The following FGF2 variants were observed in gnomAD, a reference collection of about 807,000 sequenced individuals.
FGF2 encodes the protein fibroblast growth factor 2.
Under a neutral mutation model 15.9 loss-of-function variants are expected in FGF2, and 13 were observed. That is an observed-to-expected ratio of 0.82 (90% CI 0.53 to 1.30). FGF2 has a LOEUF of 1.30. FGF2 is among the 50% of genes most tolerant of loss of function. The pLI, the probability that FGF2 is intolerant of heterozygous loss-of-function variation, is 0.00. For synonymous variants in FGF2, 90 were observed against 78.4 expected (o/e 1.15, Z -0.78); for missense variants, 163 against 196.9 (o/e 0.83, Z 1.03).
chr4:122,874,745 T>C (rs1257383720), intron 1 of FGF2, among the ~76,000 whole-genome samples: 1 of 152,084 alleles, frequency 6.6e-6, no homozygotes, highest in Non-Finnish European at 1.5e-5. Flanking sequence ...AAACATAAAT[T>C]ACTATGACAT....
intron 1 of FGF2, among the ~76,000 whole-genome samples, chr4:122,860,754 C>A (rs9307514): frequency 6.6e-6 from 1 of 152,106 alleles, no homozygotes; most frequent in Non-Finnish European, 1.5e-5. Flanking sequence ...CTGCACCCAG[C>A]CTTACTTCTT....
Position 122,827,291 on chromosome 4 carries a change from C to A in FGF2, c.117C>A (p.Phe39Leu), listed in dbSNP as rs1363329019. 6.2e-7 allele frequency: 1 copy of A among 1,613,008 alleles called. No individual in the cohort carries two copies. The highest frequency in any genetic ancestry group is 1.3e-5 in the African/African-American group (1 of 75,056). The change falls in exon 1 of 3, where the codon TTC (phenylalanine) becomes TTA (leucine). Residue 39 changes from phenylalanine to leucine, a missense_variant. Transcript: ENST00000644866. The surrounding 1 kb of genome is among the most constrained non-coding windows in gnomAD (Gnocchi z 4.2). ...PKRLYCKNGG[F>L]FLRIHPDGRV... ...GGCTGTACTGCAAAAACGGGGGCTT[C>A]TTCCTGCGCATCCACCCCGACGGCC...
intron 1 of FGF2, among the ~76,000 whole-genome samples, chr4:122,838,583 A>C (rs1035188289): frequency 5.9e-5 from 9 of 152,208 alleles, no homozygotes; most frequent in African/African-American, 1.9e-4. Flanking sequence ...ATACAAGTTC[A>C]TGGCCAGAAT....
chr4:122,897,631 T>C lies in FGF2; in HGVS notation c.*5235T>C. Reference sequence around the variant, plus strand: ...AATATAAAAGATACACACCAATATCTTCTTCAGGCTCTGACAGGCCTCCTG... The same window carrying C: ...AATATAAAAGATACACACCAATATCCTCTTCAGGCTCTGACAGGCCTCCTG... On this transcript the variant is annotated 3_prime_UTR_variant, in exon 3 of 3. Coordinates refer to ENST00000644866, the MANE Select transcript of FGF2 (RefSeq NM_001361665.2). 1 of 1,603,660 alleles carries C rather than the reference T, an allele frequency of 6.2e-7. No homozygotes were observed. Among genetic ancestry groups the C allele is most frequent in the South Asian group, 1.1e-5 (1 of 90,870 alleles).
Position 122,897,843 on chromosome 4 carries a change from CT to C in FGF2, c.*5454del. 5 of 596,526 alleles carry C rather than the reference CT, an allele frequency of 8.4e-6. No individual in the cohort carries two copies. The highest frequency in any genetic ancestry group is 2.2e-5 in the South Asian group (1 of 45,020). 37.0% of individuals were successfully genotyped at this position (596,526 alleles called of 1,614,324 possible). A position where few individuals can be genotyped will look rare whatever the true frequency, so the allele number is the denominator to read the frequency against. On this transcript the variant is annotated 3_prime_UTR_variant, in exon 3 of 3. Coordinates refer to ENST00000644866, the MANE Select transcript of FGF2 (RefSeq NM_001361665.2). ...TTCCATCCTTTCTCCCTCGTTTCTT[CT>C]TTTTTTGGGGGAGCTGGTAACTGAT...
intron 1 of FGF2, among the ~76,000 whole-genome samples, chr4:122,861,262 A>G (rs1016362349): frequency 2.0e-5 from 3 of 152,202 alleles, no homozygotes; most frequent in Non-Finnish European, 4.4e-5. Flanking sequence ...TATTTCTAAT[A>G]GATTCCTTTT....
At chr4:122,885,436 G>A (rs906060034) in intron 2 of FGF2, among the ~76,000 whole-genome samples, 2 of 152,164 alleles carry the variant, frequency 1.3e-5, no homozygotes, top group African/African-American at 4.8e-5. Context: ...AATGCATGAG[G>A]TGCTTTTATT....
At chr4:122,875,000 T>A (rs1726809804) in intron 1 of FGF2, among the ~76,000 whole-genome samples, 1 of 152,214 alleles carries the variant, frequency 6.6e-6, no homozygotes, top group South Asian at 2.1e-4. Context: ...ATCTTGTTTA[T>A]CTTATGATAA....
At chr4:122,832,507 A>G (rs1434622997) in intron 1 of FGF2, among the ~76,000 whole-genome samples, 1 of 152,174 alleles carries the variant, frequency 6.6e-6, no homozygotes, top group Non-Finnish European at 1.5e-5. Flanking sequence ...TCAGCCTCCC[A>G]AAGTGCTGTG....
chr4:122,857,087 C>T (rs1342391615), intron 1 of FGF2, among the ~76,000 whole-genome samples: 1 of 152,138 alleles, frequency 6.6e-6, no homozygotes, highest in Non-Finnish European at 1.5e-5. Context: ...ATCCAGATTA[C>T]TGAGGTGTTA....
Position 122,896,162 on chromosome 4 carries a change from G to T in FGF2, c.*3766G>T, listed in dbSNP as rs1446860801. On this transcript the variant is annotated 3_prime_UTR_variant, in exon 3 of 3. Coordinates refer to ENST00000644866, the MANE Select transcript of FGF2 (RefSeq NM_001361665.2). ...TATATGATCTCTGGGTAGGTGAGTT[G>T]TTGTGACAACCACAAGCACTTTTTT... 2.0e-5 allele frequency: 3 copies of T among 150,976 alleles called. No homozygotes were observed. Among genetic ancestry groups the T allele is most frequent in the African/African-American group, 7.3e-5 (3 of 40,910 alleles). 9.4% of individuals were successfully genotyped at this position (150,976 alleles called of 1,614,324 possible).
At chr4:122,841,252 C>G (rs1560738853) in intron 1 of FGF2, among the ~76,000 whole-genome samples, 1 of 152,220 alleles carries the variant, frequency 6.6e-6, no homozygotes, top group Non-Finnish European at 1.5e-5. Context: ...TCTGTGGCCA[C>G]TTTCACACTA....
At chr4:122,831,086 A>G (rs566046332) in intron 1 of FGF2, among the ~76,000 whole-genome samples, 2 of 152,208 alleles carry the variant, frequency 1.3e-5, no homozygotes, top group Non-Finnish European at 2.9e-5. Context: ...GGGAGGCTTC[A>G]GACCTTCTGG....
rs45628734 is a variant in FGF2, at chr4:122,897,478, A to T, written c.*5082A>T. 0.017 allele frequency: 11,469 copies of T among 663,584 alleles called. 140 individuals carry two copies. The highest frequency in any genetic ancestry group is 0.025 in the Non-Finnish European group (9,336 of 368,044). The allele number at this position is 663,584 out of a possible 1,614,324, so 41.1% of individuals were successfully genotyped here. On this transcript the variant is annotated 3_prime_UTR_variant, in exon 3 of 3. Transcript: ENST00000644866. The stretch of plus-strand genomic sequence containing the variant: ...TAGAAATTATGCTGCTAATTATATC[A>T]GCTCTGAGGTAATTTCTGAAATGTT...
At chr4:122,830,816 CAAAAAA>C (rs35597051) in intron 1 of FGF2, among the ~76,000 whole-genome samples, 2,271 of 92,810 alleles carry the variant, frequency 0.024, 51 homozygotes, top group African/African-American at 0.081. Context: ...CTCTTATTTA[CAAAAAA>C]AAAAAAAAAA....
chr4:122,876,375 G>A lies in FGF2; in HGVS notation c.233G>A (p.Cys78Tyr). ...ERGVVSIKGVCANRYLAMKED... is the reference protein window; with the variant it reads ...ERGVVSIKGVYANRYLAMKED... ...GGAGTTGTGTCTATCAAAGGAGTGT[G>A]TGCTAACCGTTACCTGGCTATGAAG... is the stretch of plus-strand genomic sequence containing the variant. Residue 78 changes from cysteine (C) to tyrosine (Y), a missense_variant, in exon 2 of 3, where the codon TGT (cysteine) becomes TAT (tyrosine). Transcript: ENST00000644866. 2 of 1,613,566 alleles carry A rather than the reference G, an allele frequency of 1.2e-6. No homozygotes were observed. Among genetic ancestry groups the A allele is most frequent in the East Asian group, 2.2e-5 (1 of 44,852 alleles).
intron 2 of FGF2, among the ~76,000 whole-genome samples, chr4:122,878,366 G>T (rs927515256): frequency 6.6e-6 from 1 of 151,928 alleles, no homozygotes; most frequent in African/African-American, 2.4e-5. Flanking sequence ...TTGAGATGAA[G>T]GTATAGATAA....
chr4:122,879,782 T>C (rs962361984), intron 2 of FGF2, among the ~76,000 whole-genome samples: 6 of 152,162 alleles, frequency 3.9e-5, no homozygotes, highest in African/African-American at 1.4e-4. Flanking sequence ...GGAAGGCCTC[T>C]TTATAAAACC....
At chr4:122,837,605 G>A (rs527345827) in intron 1 of FGF2, among the ~76,000 whole-genome samples, 57 of 151,096 alleles carry the variant, frequency 3.8e-4, no homozygotes, top group East Asian at 3.1e-3. Context: ...TTGACCTTTC[G>A]TCTTATAGCT....
Sources: gnomAD v4.1 joint callset for allele counts (sites outside exome capture counted in the v4.1 genomes callset) on GRCh38, gnomAD v4.1.1 for gene constraint, Gnocchi (gnomAD v3.1) non-coding constraint, MANE v1.5 for transcripts, NCBI Gene and HGNC (gene_info 2026-07-23, HGNC 2026-07-21) for gene names.